MYO5B: variants seen among roughly 807,000 people sequenced by gnomAD.
MYO5B encodes myosin VB.
In MYO5B, 143 loss-of-function variants were observed where a neutral mutation model predicts 229.3. The ratio of observed to expected loss-of-function variants is 0.62; its 90% CI spans 0.54 to 0.72. MYO5B has a LOEUF of 0.72. Among genes scored for constraint, MYO5B ranks in the 30% least tolerant of loss-of-function variants. The pLI, the probability that MYO5B is intolerant of heterozygous loss-of-function variation, is 0.00. For synonymous variants in MYO5B, 918 were observed against 885.2 expected, an observed-to-expected ratio of 1.04 and a Z score of -0.66; for missense variants, 2,321 against 2,331.0, an observed-to-expected ratio of 1.00 and a Z score of 0.09.
At chr18:49,969,341 T>C (rs1448378595) in intron 10 of MYO5B, among the ~76,000 whole-genome samples, 1 of 152,204 alleles carries the variant, frequency 6.6e-6, no homozygotes, top group East Asian at 1.9e-4. Context: ...AGCAAAAGAA[T>C]ATTTTTTCCC....
chr18:50,187,891 G>A (rs2033171067), intron 1 of MYO5B, among the ~76,000 whole-genome samples: 1 of 152,146 alleles, frequency 6.6e-6, no homozygotes, highest in South Asian at 2.1e-4. Context: ...GGGGCAGGGA[G>A]CTACAACCCT....
At chr18:49,940,126 A>G (rs1326132102) in intron 14 of MYO5B, among the ~76,000 whole-genome samples, 1 of 152,256 alleles carries the variant, frequency 6.6e-6, no homozygotes, top group Non-Finnish European at 1.5e-5. Flanking sequence ...CTTGGAAAGA[A>G]AGAATCATGT....
intron 1 of MYO5B, among the ~76,000 whole-genome samples, chr18:50,145,111 T>G (rs1426186173): frequency 6.6e-6 from 1 of 152,132 alleles, no homozygotes; most frequent in East Asian, 1.9e-4. Flanking sequence ...CAGAGGAAGT[T>G]GAGGCTACCA....
chr18:50,169,763 T>C (rs1440112607), intron 1 of MYO5B, among the ~76,000 whole-genome samples: 1 of 127,584 alleles, frequency 7.8e-6, no homozygotes, highest in Non-Finnish European at 1.7e-5. Context: ...ACTCTTGCAA[T>C]TTTCCTGAAG....
Position 49,963,037 on chromosome 18 carries a change from A to G in MYO5B, c.1323-7T>C. ...TACCTCAAATGTCTCAAACCTACAGAATGGAAAGAGAAGATAAGAGACGTC... is the reference window on the plus strand; with the variant it reads ...TACCTCAAATGTCTCAAACCTACAGGATGGAAAGAGAAGATAAGAGACGTC... On this transcript the variant is annotated splice_polypyrimidine_tract_variant and splice_region_variant and intron_variant, in intron 10 of 39. Coordinates refer to ENST00000285039, the MANE Select transcript of MYO5B (RefSeq NM_001080467.3). 2 of 1,611,988 alleles carry G rather than the reference A, an allele frequency of 1.2e-6. No homozygotes were observed. Among genetic ancestry groups the G allele is most frequent in the Non-Finnish European group, 1.7e-6 (2 of 1,178,092 alleles).
At chr18:49,962,061 T>C (rs2025565501) in intron 12 of MYO5B, among the ~76,000 whole-genome samples, 1 of 152,154 alleles carries the variant, frequency 6.6e-6, no homozygotes, top group South Asian at 2.1e-4. Context: ...TTTACCAGTG[T>C]AGCAACACCT....
chr18:50,043,810 G>C (rs181250607), intron 2 of MYO5B, among the ~76,000 whole-genome samples: 2 of 151,208 alleles, frequency 1.3e-5, no homozygotes, highest in Admixed American at 6.6e-5. Context: ...ACCAAACATT[G>C]TATGTTCTCA....
Position 50,019,465 on chromosome 18 carries a change from A to T in MYO5B, c.455+17385T>A, listed in dbSNP as rs1191417987. ...CTATTTCGGATCTATCTCACCCAGC[A>T]AACTCTTTAATTCAGTGGTCCAGCC... is the stretch of plus-strand genomic sequence containing the variant. On this transcript the variant is annotated intron_variant, in intron 4 of 39. Coordinates refer to ENST00000285039, the MANE Select transcript of MYO5B (RefSeq NM_001080467.3). 3.9e-5 allele frequency among the ~76,000 whole-genome samples: 6 copies of T among 152,222 alleles called. No homozygotes were observed. In the East Asian group the frequency reaches 1.2e-3, roughly 29 times the overall value.
chr18:49,979,762 G>A (rs796227984), intron 9 of MYO5B, among the ~76,000 whole-genome samples: 8 of 152,258 alleles, frequency 5.3e-5, no homozygotes, highest in African/African-American at 1.4e-4. Context: ...ACCTATCCAA[G>A]GTTAGAATAC....
intron 39 of MYO5B, among the ~76,000 whole-genome samples, chr18:49,832,707 C>T (rs962007385): frequency 2.0e-5 from 3 of 152,062 alleles, no homozygotes; most frequent in Non-Finnish European, 4.4e-5. Context: ...TTCCAGTACC[C>T]GTGTGTTTGG....
intron 18 of MYO5B, among the ~76,000 whole-genome samples, chr18:49,909,037 C>T (rs987326841): frequency 6.6e-6 from 1 of 152,186 alleles, no homozygotes; most frequent in East Asian, 1.9e-4. Flanking sequence ...GTGCCTGGTG[C>T]CTGCCCTGCA....
At chr18:49,919,447 T>C (rs1336819261) in intron 17 of MYO5B, among the ~76,000 whole-genome samples, 2 of 152,184 alleles carry the variant, frequency 1.3e-5, no homozygotes, top group Non-Finnish European at 2.9e-5. Context: ...ATTCTTAATA[T>C]ATAAAGAACT....
intron 36 of MYO5B, 60 bp from the exon 37 acceptor site, chr18:49,837,862 C>G: frequency 6.3e-7 from 1 of 1,583,838 alleles, no homozygotes; most frequent in African/African-American, 1.3e-5. Flanking sequence ...AAAGATTGGA[C>G]CACTCAAATC....
chr18:49,957,584 C>T (rs980450339), intron 12 of MYO5B, among the ~76,000 whole-genome samples: 10 of 150,740 alleles, frequency 6.6e-5, no homozygotes, highest in African/African-American at 2.0e-4. Flanking sequence ...AGGTTGGGGC[C>T]GCAGTGACAG....
At chr18:50,155,695 G>A (rs1266862106) in intron 1 of MYO5B, among the ~76,000 whole-genome samples, 1 of 152,212 alleles carries the variant, frequency 6.6e-6, no homozygotes, top group East Asian at 1.9e-4. Context: ...AGCTAAGTGT[G>A]TTCAAGTAAG....
rs533004039 is a variant in MYO5B, at chr18:50,121,081, TCTC to T, written c.28-65706_28-65704del. On this transcript the variant is annotated intron_variant, in intron 1 of 39. Transcript: ENST00000285039. Reference sequence around the variant, plus strand: ...CTCCCATATCTGAGATGCTTTCCCTTCTCCTCTGTTTCTCAGTCCTCGAGGCCT... The same window carrying T: ...CTCCCATATCTGAGATGCTTTCCCTTCTCTGTTTCTCAGTCCTCGAGGCCT... Among the ~76,000 whole-genome samples, 97 of 152,208 alleles carry T rather than the reference TCTC, an allele frequency of 6.4e-4. 1 individual carries two copies. The highest frequency in any genetic ancestry group is 2.2e-3 in the African/African-American group (92 of 41,542).
chr18:49,903,100 A>G (rs576073546), intron 20 of MYO5B, among the ~76,000 whole-genome samples: 5 of 152,320 alleles, frequency 3.3e-5, no homozygotes. Flanking sequence ...TTAGGAAACC[A>G]CAGTCTGAAA....
Position 50,173,823 on chromosome 18 carries a change from T to C in MYO5B, c.27+20944A>G, listed in dbSNP as rs143816221. On this transcript the variant is annotated intron_variant, in intron 1 of 39. Transcript: ENST00000285039. ...TGAGGCAGCAACTTTAGAAAAGGCATACACTTTCAGACTGAACCATTTCAC... is the reference window on the plus strand; with the variant it reads ...TGAGGCAGCAACTTTAGAAAAGGCACACACTTTCAGACTGAACCATTTCAC... Among the ~76,000 whole-genome samples, 31 of 152,328 alleles carry C rather than the reference T, an allele frequency of 2.0e-4. No individual in the cohort carries two copies. The East Asian group carries it at 5.4e-3, about 27-fold the overall frequency.
chr18:49,965,611 G>A (rs901500882), intron 10 of MYO5B, among the ~76,000 whole-genome samples: 2 of 152,104 alleles, frequency 1.3e-5, no homozygotes, highest in African/African-American at 4.8e-5. Flanking sequence ...CCAAGAGTTA[G>A]GCCTTATTAT....
Sources: allele counts gnomAD v4.1 joint callset (sites outside exome capture counted in the v4.1 genomes callset), GRCh38; gene constraint gnomAD v4.1.1; transcripts MANE v1.5; gene names NCBI Gene and HGNC (gene_info 2026-07-23, HGNC 2026-07-21).